Variants in IMMP2L observed in about 807,000 individuals in gnomAD.
The protein encoded by IMMP2L is inner mitochondrial membrane peptidase subunit 2.
A neutral mutation model predicts 19.3 loss-of-function variants in IMMP2L; 18 were observed. The observed-to-expected ratio is 0.93, with a 90% CI of 0.64 to 1.38. The LOEUF is 1.38. Ranked by LOEUF, IMMP2L falls within the 40% of genes most tolerant of loss-of-function variation. The pLI is 0.00. For missense variants in IMMP2L, 233 were observed against 218.2 expected (o/e 1.07, Z -0.43); for synonymous variants, 76 against 73.0 (o/e 1.04, Z -0.21).
At chr7:110,823,575 AGTTTGTGGAACTG>A (rs1803218470) in intron 5 of IMMP2L, among the ~76,000 whole-genome samples, 1 of 152,114 alleles carries the variant, frequency 6.6e-6, no homozygotes, top group African/African-American at 2.4e-5. Flanking sequence ...AATAAATTTC[AGTTTGTGGAACTG>A]GCAATGGTGA....
intron 3 of IMMP2L, among the ~76,000 whole-genome samples, chr7:111,377,768 A>T (rs1394465759): frequency 1.3e-5 from 2 of 151,930 alleles, no homozygotes; most frequent in Non-Finnish European, 2.9e-5. Context: ...TATACTCTAA[A>T]CTGTTTTAAT....
intron 3 of IMMP2L, among the ~76,000 whole-genome samples, chr7:111,220,576 T>TGATG (rs34015257): frequency 0.36 from 53,997 of 148,204 alleles, 9,926 homozygotes; most frequent in Non-Finnish European, 0.39. Flanking sequence ...CAGAGAAACA[T>TGATG]GATGGATGGA....
chr7:110,939,199 G>C (rs1028347265), intron 4 of IMMP2L, among the ~76,000 whole-genome samples: 1 of 152,004 alleles, frequency 6.6e-6, no homozygotes, highest in Non-Finnish European at 1.5e-5. Flanking sequence ...GATTTAACTG[G>C]TCTGAAATGG....
At chr7:111,016,775 T>C (rs1481021145) in intron 3 of IMMP2L, among the ~76,000 whole-genome samples, 1 of 91,092 alleles carries the variant, frequency 1.1e-5, no homozygotes, top group Non-Finnish European at 1.9e-5. Context: ...TATATATGCA[T>C]ATATAATATA....
chr7:111,538,102 G>A (rs981215915), intron 1 of IMMP2L, among the ~76,000 whole-genome samples: 7 of 152,004 alleles, frequency 4.6e-5, no homozygotes. Context: ...CCCTAGCACA[G>A]CATTTATCAC....
At chr7:111,161,371 T>C (rs1228445490) in intron 3 of IMMP2L, among the ~76,000 whole-genome samples, 3 of 151,900 alleles carry the variant, frequency 2.0e-5, no homozygotes, top group Non-Finnish European at 4.4e-5. Flanking sequence ...CAGTGATACA[T>C]AAAAACATTT....
chr7:111,077,762 G>A (rs1480215191), intron 3 of IMMP2L, among the ~76,000 whole-genome samples: 2 of 152,104 alleles, frequency 1.3e-5, no homozygotes, highest in South Asian at 2.1e-4. Flanking sequence ...TCCATGGTTC[G>A]CAAGACTATA....
At chr7:111,375,370 C>CT (rs1203412519) in intron 3 of IMMP2L, among the ~76,000 whole-genome samples, 1 of 151,980 alleles carries the variant, frequency 6.6e-6, no homozygotes, top group African/African-American at 2.4e-5. Context: ...ATGTCAAGGT[C>CT]TGGTACTCAA....
At chr7:111,103,016 T>C (rs916503455) in intron 3 of IMMP2L, among the ~76,000 whole-genome samples, 3 of 151,592 alleles carry the variant, frequency 2.0e-5, no homozygotes, top group Non-Finnish European at 4.4e-5. Context: ...ACATGGTCTT[T>C]TTTAAGACTA....
chr7:111,212,673 A>T (rs1316423002), intron 3 of IMMP2L, among the ~76,000 whole-genome samples: 2 of 152,310 alleles, frequency 1.3e-5, no homozygotes, highest in South Asian at 2.1e-4. Flanking sequence ...TAAAAATATA[A>T]ATGTTTTCAT....
At chr7:110,675,609 C>T (rs951094143) in intron 5 of IMMP2L, among the ~76,000 whole-genome samples, 14 of 152,074 alleles carry the variant, frequency 9.2e-5, no homozygotes, top group East Asian at 1.9e-4. Context: ...GGAACCAAAA[C>T]GTTTGTGTGG....
intron 2 of IMMP2L, among the ~76,000 whole-genome samples, chr7:111,490,618 A>T (rs753073094): frequency 6.6e-6 from 1 of 152,048 alleles, no homozygotes; most frequent in African/African-American, 2.4e-5. Flanking sequence ...AACTCATGCT[A>T]TATCTACACT....
At chr7:111,269,293 A>T (rs1818190207) in intron 3 of IMMP2L, among the ~76,000 whole-genome samples, 1 of 152,194 alleles carries the variant, frequency 6.6e-6, no homozygotes, top group Non-Finnish European at 1.5e-5. Context: ...TCATGCTAAG[A>T]CACTATATAA....
chr7:111,361,915 ATT>A (rs372237241), intron 3 of IMMP2L, among the ~76,000 whole-genome samples: 2 of 151,928 alleles, frequency 1.3e-5, no homozygotes, highest in African/African-American at 4.8e-5. Context: ...AATAGTCTTC[ATT>A]TTTTTTCTCT....
intron 3 of IMMP2L, among the ~76,000 whole-genome samples, chr7:111,036,487 G>T (rs1313444338): frequency 6.6e-6 from 1 of 151,978 alleles, no homozygotes; most frequent in Non-Finnish European, 1.5e-5. Flanking sequence ...TTATAAATTT[G>T]GCTTTTTGAC....
intron 3 of IMMP2L, among the ~76,000 whole-genome samples, chr7:110,997,514 C>G (rs963148921): frequency 6.6e-6 from 1 of 152,060 alleles, no homozygotes; most frequent in Non-Finnish European, 1.5e-5. Flanking sequence ...GCTAAATCCT[C>G]GCAAGCATTT....
At chr7:111,059,851 G>T (rs1298695298) in intron 3 of IMMP2L, among the ~76,000 whole-genome samples, 1 of 151,304 alleles carries the variant, frequency 6.6e-6, no homozygotes, top group Non-Finnish European at 1.5e-5. Context: ...TTTCATTCAG[G>T]GTATGAATAT....
In IMMP2L at chr7:111,123,465, CT is replaced by C; in HGVS notation, c.240-159901del. Reference sequence around the variant, plus strand: ...ACCTCACAGAAATACCAGATAACGCCTTGGTTGGACTGGAAAACTTAGAAAG... The same window carrying C: ...ACCTCACAGAAATACCAGATAACGCCTGGTTGGACTGGAAAACTTAGAAAG... On this transcript the variant is annotated intron_variant, in intron 3 of 5. Coordinates refer to ENST00000405709, the MANE Select transcript of IMMP2L (RefSeq NM_032549.4). The surrounding 1 kb of genome is among the most constrained non-coding windows in gnomAD (Gnocchi z 6.4). The C allele has an allele frequency of 6.2e-7, 1 of 1,613,704 alleles. No homozygotes were observed. Among genetic ancestry groups the C allele is most frequent in the Non-Finnish European group, 8.5e-7 (1 of 1,179,894 alleles).
At chr7:110,902,283 A>G in intron 4 of IMMP2L, among the ~76,000 whole-genome samples, 1 of 151,906 alleles carries the variant, frequency 6.6e-6, no homozygotes, top group Middle Eastern at 3.5e-3. Context: ...ACTATTAATT[A>G]TAGAAAAAAT....
Sources: gnomAD v4.1 joint callset for allele counts (sites outside exome capture counted in the v4.1 genomes callset) on GRCh38, gnomAD v4.1.1 for gene constraint, Gnocchi (gnomAD v3.1) non-coding constraint, MANE v1.5 for transcripts, NCBI Gene and HGNC (gene_info 2026-07-23, HGNC 2026-07-21) for gene names.